Variants in COL4A6 observed in about 807,000 individuals in gnomAD.
The protein encoded by COL4A6 is collagen alpha-6(IV) chain.
Under a neutral mutation model 126.7 loss-of-function variants are expected in COL4A6, and 59 were observed. The ratio of observed to expected loss-of-function variants is 0.47; its 90% CI spans 0.38 to 0.58. COL4A6 has a LOEUF of 0.58. Among genes scored for constraint, COL4A6 ranks in the 20% least tolerant of loss-of-function variants. The pLI is 0.00. For missense variants in COL4A6, 1,285 were observed against 1,337.3 expected (o/e 0.96, Z 0.61); for synonymous variants, 547 against 496.6 (o/e 1.10, Z -1.35).
Position 108,187,082 on chromosome X carries a change from A to G in COL4A6, c.1951+14T>C, listed in dbSNP as rs200711727. ...AAATTTCCAAGTCCAAAGCCATCTG[A>G]TTCTATGACTCACCCTTAGATCCGG... On this transcript the variant is annotated intron_variant, in intron 23 of 44. Transcript: ENST00000334504. 6.3e-6 allele frequency: 7 copies of G among 1,113,188 alleles called. No individual in the cohort carries two copies. In the African/African-American group the frequency reaches 9.2e-5, roughly 15 times the overall value. The allele number at this position is 1,113,188 out of a possible 1,213,427, so 91.7% of individuals were successfully genotyped here. A position where few individuals can be genotyped will look rare whatever the true frequency, so the allele number is the denominator to read the frequency against.
At chrX:108,163,147 T>G in intron 40 of COL4A6, 109 bp from the exon 41 acceptor site, 1 of 673,903 alleles carries the variant, frequency 1.5e-6, no homozygotes, top group Non-Finnish European at 2.2e-6. Context: ...CTATCCTGTT[T>G]GTCCCCACAG....
intron 2 of COL4A6, among the ~76,000 whole-genome samples, chrX:108,367,077 C>T (rs2040215985): frequency 8.9e-6 from 1 of 112,181 alleles, no homozygotes; most frequent in Non-Finnish European, 1.9e-5. Context: ...AGCAGGTTCT[C>T]AACCAGTGTT....
chrX:108,293,827 T>C (rs1372363488), intron 3 of COL4A6, among the ~76,000 whole-genome samples: 1 of 112,526 alleles, frequency 8.9e-6, no homozygotes, highest in Non-Finnish European at 1.9e-5. Flanking sequence ...TTTATGTTTT[T>C]AGTTGATTAA....
chrX:108,356,950 C>T (rs770281264), intron 2 of COL4A6, among the ~76,000 whole-genome samples: 3 of 111,075 alleles, frequency 2.7e-5, no homozygotes, highest in South Asian at 3.8e-4. Flanking sequence ...TCATCATCCT[C>T]ATGATACAAC....
intron 2 of COL4A6, among the ~76,000 whole-genome samples, chrX:108,358,712 A>T (rs780056178): frequency 6.4e-4 from 71 of 111,505 alleles, no homozygotes; most frequent in African/African-American, 2.2e-3. Flanking sequence ...ACTTTTAAAA[A>T]TTTTTCTCTT....
chrX:108,211,923 A>G (rs1481264779), intron 6 of COL4A6, among the ~76,000 whole-genome samples, 183 bp from the exon 7 acceptor site: 3 of 111,875 alleles, frequency 2.7e-5, no homozygotes, highest in Non-Finnish European at 5.6e-5. Context: ...ATTCAGAGCT[A>G]TATGCCCTCC....
chrX:108,289,115 CTT>C (rs1431386156), intron 3 of COL4A6, among the ~76,000 whole-genome samples: 1 of 111,587 alleles, frequency 9.0e-6, no homozygotes, highest in African/African-American at 3.3e-5. Flanking sequence ...AAAGCATAAT[CTT>C]TGATTGGATT....
At chrX:108,338,107 A>G (rs1263044497) in intron 2 of COL4A6, among the ~76,000 whole-genome samples, 1 of 111,694 alleles carries the variant, frequency 9.0e-6, no homozygotes, top group African/African-American at 3.3e-5. Flanking sequence ...CATCCTGGCC[A>G]ATGAACAAGG....
At chrX:108,161,362 A>G (rs2033927814) in intron 42 of COL4A6, among the ~76,000 whole-genome samples, 1 of 111,446 alleles carries the variant, frequency 9.0e-6, no homozygotes, top group African/African-American at 3.3e-5. Flanking sequence ...CCTTTTAAGC[A>G]CTGGAAGAGA....
At chrX:108,385,155 T>C (rs913021908) in intron 2 of COL4A6, among the ~76,000 whole-genome samples, 4 of 110,202 alleles carry the variant, frequency 3.6e-5, no homozygotes, top group Admixed American at 9.7e-5. Flanking sequence ...AAAAATGTTT[T>C]GTAGTTTTCC....
chrX:108,164,758 G>C (rs763098687), intron 39 of COL4A6, 60 bp from the exon 40 acceptor site: 17 of 1,181,007 alleles, frequency 1.4e-5, no homozygotes, highest in Non-Finnish European at 1.8e-5. Context: ...TAGGGGTGGA[G>C]GATAGGCAGG....
chrX:108,224,549 G>A (rs1250422511), intron 3 of COL4A6, among the ~76,000 whole-genome samples: 2 of 110,750 alleles, frequency 1.8e-5, no homozygotes, highest in African/African-American at 6.6e-5. Flanking sequence ...ATGGTGTGAG[G>A]CTCTTATGGA....
intron 2 of COL4A6, chrX:108,383,765 A>T: frequency 1.9e-6 from 1 of 521,401 alleles, no homozygotes; most frequent in South Asian, 2.6e-5. Flanking sequence ...GTGAGTGGGT[A>T]CATCAGGATT....
chrX:108,348,380 G>T (rs2039761770), intron 2 of COL4A6, among the ~76,000 whole-genome samples: 1 of 110,300 alleles, frequency 9.1e-6, no homozygotes, highest in Non-Finnish European at 1.9e-5. Flanking sequence ...AATTCTATCT[G>T]CATATAGGAA....
In COL4A6 at chrX:108,174,544, C is replaced by G; in HGVS notation, c.3034G>C (p.Val1012Leu). 8.3e-7 allele frequency: 1 copy of G among 1,209,653 alleles called. No individual in the cohort carries two copies. Residue 1012 changes from valine (V) to leucine (L), a missense_variant, in exon 31 of 45, where the codon GTT (valine) becomes CTT (leucine). Coordinates refer to ENST00000334504, the MANE Select transcript of COL4A6 (RefSeq NM_033641.4). ...APGLPGIIKG[V>L]SGKPGPPGFM... ...CCAGGGGGCCCTGGCTTTCCACTAA[C>G]TCCTTTGATAATGCCTGGGAGGCCA...
chrX:108,359,749 T>C (rs1453736083), intron 2 of COL4A6, among the ~76,000 whole-genome samples: 3 of 112,374 alleles, frequency 2.7e-5, no homozygotes, highest in African/African-American at 9.7e-5. Context: ...AAATATATGG[T>C]ATTCATTTTA....
At chrX:108,178,527 A>C (rs1272819046) in intron 27 of COL4A6, among the ~76,000 whole-genome samples, 157 bp downstream of exon 27, 1 of 112,542 alleles carries the variant, frequency 8.9e-6, no homozygotes, top group Non-Finnish European at 1.9e-5. Context: ...TGGTACTGCA[A>C]GGGTGACTTG....
chrX:108,205,484 G>T lies in COL4A6; in HGVS notation c.646-4C>A. The T allele has an allele frequency of 8.4e-7, 1 of 1,192,147 alleles. No homozygotes were observed. ...GAAAACCTAGCCCCATATTCCCCTA[G>T]GGAATAGGGATATAGGGAGGAAAAA... On this transcript the variant is annotated splice_polypyrimidine_tract_variant and splice_region_variant and intron_variant, in intron 10 of 44. Transcript: ENST00000334504.
chrX:108,192,402 T>C lies in COL4A6; in HGVS notation c.1180+71A>G, dbSNP rs1031108212. 3.9e-6 allele frequency: 3 copies of C among 765,388 alleles called. No homozygotes were observed. The African/African-American group carries it at 6.2e-5, about 16-fold the overall frequency. 63.1% of individuals were successfully genotyped at this position (765,388 alleles called of 1,213,427 possible). A position where few individuals can be genotyped will look rare whatever the true frequency, so the allele number is the denominator to read the frequency against. Reference sequence around the variant, plus strand: ...AGGTGTGTGCCCCGACCCAGAGGTATAGAAGGGAATGCTGGGAACCACAGT... The same window carrying C: ...AGGTGTGTGCCCCGACCCAGAGGTACAGAAGGGAATGCTGGGAACCACAGT... On this transcript the variant is annotated intron_variant, in intron 18 of 44. Transcript: ENST00000334504.
Sources: gnomAD v4.1 joint callset for allele counts (sites outside exome capture counted in the v4.1 genomes callset) on GRCh38, gnomAD v4.1.1 for gene constraint, MANE v1.5 for transcripts, NCBI Gene and HGNC (gene_info 2026-07-23, HGNC 2026-07-21) for gene names.